The following ANKRD12 variants were observed in gnomAD, a reference collection of about 807,000 sequenced individuals.
ANKRD12 encodes ankyrin repeat domain-containing protein 12.
Under a neutral mutation model 183.4 loss-of-function variants are expected in ANKRD12, and 85 were observed. The observed-to-expected ratio is 0.46, with a 90% CI of 0.39 to 0.56. The LOEUF (loss-of-function observed/expected upper bound fraction) is 0.56, where lower values mean the gene tolerates loss of function less well. ANKRD12 is among the 20% of genes least tolerant of loss of function. The probability of loss-of-function intolerance (pLI) is 0.00; values close to 1 mark genes in which losing one functional copy is unlikely to be tolerated. For missense variants in ANKRD12, 2,405 were observed against 2,357.1 expected (o/e 1.02, Z -0.42); for synonymous variants, 914 against 800.2 (o/e 1.14, Z -2.40).
In ANKRD12 at chr18:9,255,493, A is replaced by G; in HGVS notation, c.2226A>G (p.Ser742=). ...AATCAACCAAGGAAAAGCATGTGTCAAAAGAGAGGAACTTTAAAGAGGAAC... is the reference window on the plus strand; with the variant it reads ...AATCAACCAAGGAAAAGCATGTGTCGAAAGAGAGGAACTTTAAAGAGGAAC... ...DDKSTKEKHV[S]KERNFKEERD... Residue 742 remains serine (S), a synonymous_variant, in exon 9 of 13, where the codon TCA becomes TCG. Transcript: ENST00000262126. 1 of 1,572,640 alleles carries G rather than the reference A, an allele frequency of 6.4e-7. No individual in the cohort carries two copies. The highest frequency in any genetic ancestry group is 2.3e-5 in the East Asian group (1 of 43,828).
At chr18:9,212,427 G>T (rs1235232367) in intron 6 of ANKRD12, among the ~76,000 whole-genome samples, 3 of 151,800 alleles carry the variant, frequency 2.0e-5, no homozygotes, top group African/African-American at 7.3e-5. Context: ...CATTCCATCT[G>T]TATCAATCTG....
chr18:9,237,375 A>G (rs1452625272), intron 8 of ANKRD12, among the ~76,000 whole-genome samples: 1 of 152,234 alleles, frequency 6.6e-6, no homozygotes, highest in African/African-American at 2.4e-5. Context: ...GTGTGTAAGT[A>G]CAAAATTTAC....
intron 10 of ANKRD12, among the ~76,000 whole-genome samples, chr18:9,264,774 G>A (rs1046261323): frequency 2.6e-5 from 4 of 152,130 alleles, no homozygotes; most frequent in African/African-American, 7.2e-5. Context: ...CTATTAAGAC[G>A]TTTGAAACCA....
intron 1 of ANKRD12, among the ~76,000 whole-genome samples, chr18:9,147,196 C>T (rs1183331646): frequency 3.3e-5 from 5 of 152,114 alleles, no homozygotes; most frequent in Non-Finnish European, 5.9e-5. Context: ...CCCAATCTCA[C>T]TTATCTTATG....
At chr18:9,142,074 A>T (rs2078336400) in intron 1 of ANKRD12, among the ~76,000 whole-genome samples, 1 of 152,056 alleles carries the variant, frequency 6.6e-6, no homozygotes, top group African/African-American at 2.4e-5. Flanking sequence ...ATAGTCTCTT[A>T]TTGTAACAAT....
chr18:9,149,825 T>C (rs923543778), intron 1 of ANKRD12, among the ~76,000 whole-genome samples: 3 of 149,834 alleles, frequency 2.0e-5, no homozygotes, highest in African/African-American at 7.4e-5. Flanking sequence ...AGACGGAGTC[T>C]CACTCTGTCA....
chr18:9,272,817 C>T (rs2039668615), intron 10 of ANKRD12, among the ~76,000 whole-genome samples: 1 of 152,050 alleles, frequency 6.6e-6, no homozygotes, highest in African/African-American at 2.4e-5. Context: ...TTAATTAGGA[C>T]CATGTTTCTT....
intron 8 of ANKRD12, among the ~76,000 whole-genome samples, chr18:9,250,726 C>CA (rs1179870343): frequency 2.0e-5 from 3 of 152,092 alleles, no homozygotes; most frequent in Non-Finnish European, 4.4e-5. Context: ...CTCAAAAAAA[C>CA]AAGAGACTCC....
intron 6 of ANKRD12, among the ~76,000 whole-genome samples, chr18:9,212,494 A>G (rs1416147988): frequency 1.3e-5 from 2 of 151,586 alleles, no homozygotes; most frequent in African/African-American, 4.8e-5. Context: ...CTTACAGTAT[A>G]TATAGGTAGG....
intron 6 of ANKRD12, among the ~76,000 whole-genome samples, chr18:9,214,354 G>A (rs917843898): frequency 1.3e-5 from 2 of 150,928 alleles, no homozygotes; most frequent in African/African-American, 4.9e-5. Flanking sequence ...TTAAATCATA[G>A]CTGCATAAAA....
At chr18:9,148,621 G>T (rs966507661) in intron 1 of ANKRD12, among the ~76,000 whole-genome samples, 1 of 152,002 alleles carries the variant, frequency 6.6e-6, no homozygotes, top group African/African-American at 2.4e-5. Flanking sequence ...ATTTATTGCT[G>T]GAGCCAGAAC....
At chr18:9,232,619 A>G (rs780179650) in intron 8 of ANKRD12, among the ~76,000 whole-genome samples, 2 of 152,166 alleles carry the variant, frequency 1.3e-5, no homozygotes, top group Non-Finnish European at 2.9e-5. Context: ...GCATTGGGGA[A>G]CACTGGGCCT....
At chr18:9,278,383 AC>A (rs1264976360) in intron 11 of ANKRD12, among the ~76,000 whole-genome samples, 1 of 152,220 alleles carries the variant, frequency 6.6e-6, no homozygotes, top group Admixed American at 6.5e-5. Context: ...TTGTTTGAGC[AC>A]CTGAAATGTG....
At chr18:9,175,123 T>G (rs2033143380) in intron 1 of ANKRD12, among the ~76,000 whole-genome samples, 1 of 151,992 alleles carries the variant, frequency 6.6e-6, no homozygotes, top group South Asian at 2.1e-4. Flanking sequence ...CCTGCCTAAT[T>G]TTTTGTATGA....
intron 10 of ANKRD12, among the ~76,000 whole-genome samples, chr18:9,267,092 T>C (rs1455012621): frequency 6.6e-6 from 1 of 152,100 alleles, no homozygotes; most frequent in Admixed American, 6.5e-5. Flanking sequence ...ATGCACCCAA[T>C]ACAGGAGCAC....
At chr18:9,267,882 A>C (rs1379828921) in intron 10 of ANKRD12, among the ~76,000 whole-genome samples, 1 of 152,164 alleles carries the variant, frequency 6.6e-6, no homozygotes, top group East Asian at 1.9e-4. Context: ...TAGCAAGACT[A>C]ATAAAGAAGA....
At chr18:9,167,054 C>G (rs2032149500) in intron 1 of ANKRD12, among the ~76,000 whole-genome samples, 1 of 152,058 alleles carries the variant, frequency 6.6e-6, no homozygotes, top group African/African-American at 2.4e-5. Context: ...TCTGAGGGCT[C>G]TGTTCTGTTC....
intron 1 of ANKRD12, among the ~76,000 whole-genome samples, chr18:9,144,649 T>C (rs1384137825): frequency 2.6e-5 from 4 of 152,218 alleles, no homozygotes; most frequent in African/African-American, 7.2e-5. Context: ...GTTCTCCACA[T>C]ATACTTGCAA....
chr18:9,176,882 A>G (rs1234799053), intron 1 of ANKRD12, among the ~76,000 whole-genome samples: 4 of 152,166 alleles, frequency 2.6e-5, no homozygotes, highest in Non-Finnish European at 2.9e-5. Context: ...TTAGAAGAAG[A>G]TATATTTTAC....
Sources: gnomAD v4.1 joint callset for allele counts (sites outside exome capture counted in the v4.1 genomes callset) on GRCh38, gnomAD v4.1.1 for gene constraint, MANE v1.5 for transcripts, NCBI Gene and HGNC (gene_info 2026-07-23, HGNC 2026-07-21) for gene names.